Variants in ZNF407 observed in about 807,000 individuals in gnomAD.
The protein encoded by ZNF407 is zinc finger protein 407.
ZNF407 carries 17 observed loss-of-function variants against 131.2 expected under a neutral mutation model. That is an observed-to-expected ratio of 0.13 (90% CI 0.09 to 0.19). The LOEUF (loss-of-function observed/expected upper bound fraction) is 0.19, where lower values mean the gene tolerates loss of function less well. Ranked by LOEUF, ZNF407 falls within the 10% of genes least tolerant of loss-of-function variation. The pLI, the probability that ZNF407 is intolerant of heterozygous loss-of-function variation, is 1.00. For synonymous variants in ZNF407, 1,156 were observed against 1,062.0 expected (o/e 1.09, Z -1.72); for missense variants, 2,681 against 2,830.6 (o/e 0.95, Z 1.20).
intron 8 of ZNF407, among the ~76,000 whole-genome samples, chr18:75,031,161 G>A (rs1469473107): frequency 3.3e-5 from 5 of 152,186 alleles, no homozygotes; most frequent in Non-Finnish European, 5.9e-5. Context: ...CACCTGTAAA[G>A]GGCCAGGGGA....
chr18:74,746,652 T>TC (rs1234060470), intron 3 of ZNF407, among the ~76,000 whole-genome samples: 5 of 152,136 alleles, frequency 3.3e-5, no homozygotes, highest in Non-Finnish European at 7.4e-5. Context: ...ATCCCCATCT[T>TC]CCATCTCTGT....
At chr18:74,755,739 TTC>T (rs1300898358) in intron 3 of ZNF407, among the ~76,000 whole-genome samples, 2 of 110,874 alleles carry the variant, frequency 1.8e-5, no homozygotes, top group African/African-American at 9.1e-5. Flanking sequence ...CTTTCTTTCT[TTC>T]TTTCTTTCTT....
chr18:74,643,370 G>A (rs1331164636), intron 3 of ZNF407, among the ~76,000 whole-genome samples: 2 of 151,992 alleles, frequency 1.3e-5, no homozygotes, highest in Middle Eastern at 3.2e-3. Flanking sequence ...AAGGTGAAGC[G>A]ATCTTTCAGG....
intron 4 of ZNF407, among the ~76,000 whole-genome samples, chr18:74,874,836 G>A (rs1017657761): frequency 6.6e-6 from 1 of 151,854 alleles, no homozygotes; most frequent in African/African-American, 2.4e-5. Context: ...TCCTCTCTTC[G>A]TTTGATTTCT....
At chr18:74,905,381 C>G (rs1446918707) in intron 7 of ZNF407, 1 of 152,270 alleles carries the variant, frequency 6.6e-6, no homozygotes, top group South Asian at 2.1e-4. Flanking sequence ...CTGCGGGTGA[C>G]AGAGAGGCCA....
At chr18:74,951,003 T>G (rs1422762069) in intron 8 of ZNF407, among the ~76,000 whole-genome samples, 1 of 152,218 alleles carries the variant, frequency 6.6e-6, no homozygotes, top group Non-Finnish European at 1.5e-5. Context: ...ATGCAACTTT[T>G]TTTTTCCTTT....
intron 8 of ZNF407, among the ~76,000 whole-genome samples, chr18:75,023,071 T>C (rs994327481): frequency 2.0e-5 from 3 of 152,036 alleles, no homozygotes; most frequent in African/African-American, 7.2e-5. Context: ...CAGCAAACTC[T>C]CGCAGGAACA....
chr18:74,698,348 T>C (rs1967409358), intron 3 of ZNF407, among the ~76,000 whole-genome samples: 1 of 152,242 alleles, frequency 6.6e-6, no homozygotes, highest in South Asian at 2.1e-4. Context: ...CATCTAGACT[T>C]ATAACCAGCA....
chr18:74,776,414 T>C (rs1355123739), intron 3 of ZNF407, among the ~76,000 whole-genome samples: 2 of 152,230 alleles, frequency 1.3e-5, no homozygotes, highest in African/African-American at 4.8e-5. Flanking sequence ...ACAGTTCTAG[T>C]AGATGTTTTC....
chr18:74,688,975 C>A (rs12326522), intron 3 of ZNF407, among the ~76,000 whole-genome samples: 1 of 152,042 alleles, frequency 6.6e-6, no homozygotes, highest in Admixed American at 6.5e-5. Flanking sequence ...ATTACAGGCA[C>A]CCGCCACCAT....
intron 3 of ZNF407, among the ~76,000 whole-genome samples, chr18:74,721,577 T>C (rs1246418677): frequency 1.3e-5 from 2 of 152,330 alleles, no homozygotes; most frequent in Admixed American, 6.5e-5. Flanking sequence ...CCAAAATCTA[T>C]AGTGTTTCTG....
intron 3 of ZNF407, among the ~76,000 whole-genome samples, chr18:74,746,719 C>A (rs1030822236): frequency 5.9e-5 from 9 of 151,428 alleles, no homozygotes; most frequent in African/African-American, 2.2e-4. Flanking sequence ...CTGTCATCTG[C>A]TATGATAACA....
At chr18:74,839,916 A>AAT (rs1210619166) in intron 4 of ZNF407, among the ~76,000 whole-genome samples, 1 of 152,148 alleles carries the variant, frequency 6.6e-6, no homozygotes, top group African/African-American at 2.4e-5. Flanking sequence ...AGACTCTATA[A>AAT]AGCACGGAAG....
In ZNF407 at chr18:74,641,038, A is replaced by T. The variant is rs1474377019; in HGVS notation, c.4718A>T (p.His1573Leu). The T allele has an allele frequency of 6.2e-7, 1 of 1,613,380 alleles. No homozygotes were observed. Among genetic ancestry groups the T allele is most frequent in the Non-Finnish European group, 8.5e-7 (1 of 1,179,422 alleles). ...AAACCATTCAAGTGCAAGATATGCC[A>T]TTTTGCAACAGCTCAGCTTGGAGAT... ...GSKPFKCKIC[H>L]FATAQLGDAR... is the part of the protein sequence containing the mutation. The change falls in exon 3 of 9, where the codon CAT becomes CTT. Residue 1573 changes from histidine (H) to leucine (L), a missense_variant. By Grantham distance (99) the His-to-Leu change is moderately conservative (BLOSUM62 -3). Coordinates refer to ENST00000299687, the MANE Select transcript of ZNF407 (RefSeq NM_017757.3).
intron 4 of ZNF407, among the ~76,000 whole-genome samples, chr18:74,811,280 A>T (rs1970190938): frequency 6.6e-6 from 1 of 152,212 alleles, no homozygotes; most frequent in Non-Finnish European, 1.5e-5. Context: ...AAAAATGCTC[A>T]CCATCACTGG....
At chr18:74,901,686 C>CATA (rs5826355) in intron 7 of ZNF407, among the ~76,000 whole-genome samples, 2 of 152,114 alleles carry the variant, frequency 1.3e-5, no homozygotes, top group Non-Finnish European at 2.9e-5. Flanking sequence ...TTTTTAATTG[C>CATA]TTCCTTCCAA....
At chr18:74,907,272 T>C (rs1479810846) in intron 7 of ZNF407, among the ~76,000 whole-genome samples, 2 of 152,216 alleles carry the variant, frequency 1.3e-5, no homozygotes, top group East Asian at 3.9e-4. Flanking sequence ...GCAGCAGCTG[T>C]CGCTCCTCTC....
chr18:74,986,056 T>TA lies in ZNF407; in HGVS notation c.5428+65365dup, dbSNP rs1356708612. ...TGTACTGCAGCATCCTGTGTGAACA[T>TA]ACAGCATTTTTGCCATCTCCATGTC... On this transcript the variant is annotated intron_variant, in intron 8 of 8. Coordinates refer to ENST00000299687, the MANE Select transcript of ZNF407 (RefSeq NM_017757.3). 2.0e-5 allele frequency among the ~76,000 whole-genome samples: 3 copies of TA among 152,336 alleles called. No homozygotes were observed. The East Asian group carries it at 5.8e-4, about 29-fold the overall frequency.
intron 7 of ZNF407, chr18:74,905,163 C>T (rs1971579155): frequency 6.6e-6 from 1 of 152,266 alleles, no homozygotes; most frequent in African/African-American, 2.4e-5. Context: ...TATGTAGTAC[C>T]TACTAAATAT....
Sources: gnomAD v4.1 joint callset for allele counts (sites outside exome capture counted in the v4.1 genomes callset) on GRCh38, gnomAD v4.1.1 for gene constraint, MANE v1.5 for transcripts, NCBI Gene and HGNC (gene_info 2026-07-23, HGNC 2026-07-21) for gene names.